Variants in NADK2 observed in about 807,000 individuals in gnomAD.
The protein encoded by NADK2 is NAD kinase 2, mitochondrial, also known as NAD kinase domain-containing protein 1, mitochondrial.
In NADK2, 35 loss-of-function variants were observed where a neutral mutation model predicts 62.1. That is an observed-to-expected ratio of 0.56 (90% CI 0.43 to 0.75). The LOEUF (loss-of-function observed/expected upper bound fraction) is 0.75, where lower values mean the gene tolerates loss of function less well. Among genes scored for constraint, NADK2 ranks in the 30% least tolerant of loss-of-function variants. NADK2 has a pLI of 0.00. For missense variants in NADK2, 439 were observed against 561.3 expected, an observed-to-expected ratio of 0.78 and a Z score of 2.20; for synonymous variants, 205 against 207.9, an observed-to-expected ratio of 0.99 and a Z score of 0.12.
chr5:36,193,240 G>A lies in NADK2; in HGVS notation c.*1904C>T, dbSNP rs1746084522. On this transcript the variant is annotated 3_prime_UTR_variant, in exon 12 of 12. Coordinates refer to ENST00000381937, the MANE Select transcript of NADK2 (RefSeq NM_001085411.3). ...ATGCCTGTAATCCCAATACTGGGAG[G>A]CCGAGGCAGGCAGATCACAAGGTCA... 6.6e-6 allele frequency: 1 copy of A among 152,016 alleles called. No individual in the cohort carries two copies. Among genetic ancestry groups the A allele is most frequent in the African/African-American group, 2.4e-5 (1 of 41,364 alleles). The allele number at this position is 152,016 out of a possible 1,614,324, so 9.4% of individuals were successfully genotyped here.
chr5:36,202,165 G>T (rs1038353878), intron 8 of NADK2, among the ~76,000 whole-genome samples: 1 of 151,960 alleles, frequency 6.6e-6, no homozygotes, highest in Non-Finnish European at 1.5e-5. Context: ...AAAAACATGA[G>T]AATTTTTTTC....
chr5:36,237,914 G>A (rs1180989489), intron 1 of NADK2, among the ~76,000 whole-genome samples: 2 of 152,160 alleles, frequency 1.3e-5, no homozygotes, highest in Non-Finnish European at 2.9e-5. Flanking sequence ...AGGTTCAGGT[G>A]TCTGCATTTT....
chr5:36,239,891 A>T (rs10070760), intron 1 of NADK2, among the ~76,000 whole-genome samples: 222 of 152,314 alleles, frequency 1.5e-3, no homozygotes, highest in African/African-American at 4.9e-3. Flanking sequence ...GAAGTTAACC[A>T]CACAGAACCA....
At chr5:36,231,559 A>G (rs1179582148) in intron 1 of NADK2, among the ~76,000 whole-genome samples, 1 of 152,232 alleles carries the variant, frequency 6.6e-6, no homozygotes, top group Non-Finnish European at 1.5e-5. Flanking sequence ...TAAGAAAATC[A>G]CTTAATAAAC....
In NADK2 at chr5:36,219,644, G is replaced by A. The variant is rs1412911516; in HGVS notation, c.596C>T (p.Thr199Ile). 3 of 1,614,044 alleles carry A rather than the reference G, an allele frequency of 1.9e-6. No homozygotes were observed. The highest frequency in any genetic ancestry group is 8.5e-7 in the Non-Finnish European group (1 of 1,179,948). The change falls in exon 5 of 12, where the codon ACA becomes ATA. Residue 199 changes from threonine to isoleucine, a missense_variant. By Grantham distance (89) the Thr-to-Ile change is moderately conservative. Coordinates refer to ENST00000381937, the MANE Select transcript of NADK2 (RefSeq NM_001085411.3). ...CTGTAAGGCTTCTGGAAAGGAATGT[G>A]TATATCGAACGGGCAGGCATAAATG... ...EGHLCLPVRY[T>I]HSFPEALQKF... is the part of the protein sequence containing the mutation.
intron 1 of NADK2, among the ~76,000 whole-genome samples, chr5:36,234,372 C>CAAAA (rs10551356): frequency 2.6e-4 from 20 of 77,164 alleles, no homozygotes; most frequent in Admixed American, 4.3e-4. Context: ...AACTCCGTCT[C>CAAAA]AAAAAAAAAA....
chr5:36,215,763 CA>C (rs1210120237), intron 6 of NADK2, among the ~76,000 whole-genome samples: 1 of 152,168 alleles, frequency 6.6e-6, no homozygotes, highest in East Asian at 1.9e-4. Context: ...CATGTTGCTG[CA>C]AATCTCAGGA....
intron 8 of NADK2, 25 bp from the exon 9 acceptor site, chr5:36,201,186 T>A (rs755477598): frequency 1.3e-6 from 2 of 1,582,440 alleles, no homozygotes; most frequent in Non-Finnish European, 1.7e-6. Context: ...CACATAATTC[T>A]TAGTTTTAAT....
At chr5:36,201,645 G>A (rs1016489961) in intron 8 of NADK2, among the ~76,000 whole-genome samples, 3 of 151,872 alleles carry the variant, frequency 2.0e-5, no homozygotes, top group Non-Finnish European at 4.4e-5. Context: ...GTATCATATA[G>A]TGTATATGTT....
In NADK2 at chr5:36,222,129, A is replaced by G. The variant is rs999464741; in HGVS notation, c.561-2450T>C. ...AGAAACAGAAAATAAATATATAGGG[A>G]TAAGTGCTTTCTGTAGAGGGAATTA... On this transcript the variant is annotated intron_variant, in intron 4 of 11. Transcript: ENST00000381937. Among the ~76,000 whole-genome samples, 10 of 152,334 alleles carry G rather than the reference A, an allele frequency of 6.6e-5. 1 individual carries two copies. The highest frequency in any genetic ancestry group is 5.2e-4 in the Admixed American group (8 of 15,300).
intron 2 of NADK2, 23 bp downstream of exon 2, chr5:36,227,454 A>G: frequency 3.9e-6 from 5 of 1,283,250 alleles, no homozygotes; most frequent in Non-Finnish European, 5.1e-6. Context: ...AATCCAACCC[A>G]AGACCCAATC....
chr5:36,220,684 A>C (rs1201207427), intron 4 of NADK2, among the ~76,000 whole-genome samples: 1 of 152,220 alleles, frequency 6.6e-6, no homozygotes, highest in African/African-American at 2.4e-5. Context: ...ATTTGATAGA[A>C]TAATACCTGC....
At chr5:36,199,105 GAC>G (rs1474858140) in intron 10 of NADK2, among the ~76,000 whole-genome samples, 5 of 151,884 alleles carry the variant, frequency 3.3e-5, no homozygotes, top group Non-Finnish European at 7.4e-5. Flanking sequence ...AATGCTAAAT[GAC>G]GAGTTAATGG....
chr5:36,201,281 A>G (rs762848330), intron 8 of NADK2, 120 bp from the exon 9 acceptor site: 1 of 838,032 alleles, frequency 1.2e-6, no homozygotes, highest in Non-Finnish European at 1.9e-6. Context: ...TTCTAAATGA[A>G]CAAAGTTAAA....
intron 7 of NADK2, chr5:36,208,697 T>C: frequency 6.6e-7 from 1 of 1,519,054 alleles, no homozygotes; most frequent in Non-Finnish European, 8.8e-7. Flanking sequence ...CATTCTAGGT[T>C]AGAACAAATA....
intron 6 of NADK2, among the ~76,000 whole-genome samples, chr5:36,212,796 T>C (rs1746898793): frequency 6.6e-6 from 1 of 152,202 alleles, no homozygotes; most frequent in African/African-American, 2.4e-5. Flanking sequence ...ATCCCAATTG[T>C]GGTAGGCAGG....
chr5:36,242,028 G>A (rs999049821), upstream of NADK2: 5 of 235,986 alleles, frequency 2.1e-5, no homozygotes, highest in African/African-American at 1.1e-4. Flanking sequence ...GCGGGAGAAA[G>A]GTGGGCGGGG....
intron 4 of NADK2, among the ~76,000 whole-genome samples, chr5:36,219,902 A>G (rs12186384): frequency 0.43 from 64,831 of 152,074 alleles, 16,287 homozygotes; most frequent in Non-Finnish European, 0.58. Flanking sequence ...ATGCCATAAT[A>G]CATAATAATA....
In NADK2 at chr5:36,227,507, T is replaced by C. The variant is rs115795863; in HGVS notation, c.359A>G (p.Lys120Arg). 3.0e-3 allele frequency: 4,655 copies of C among 1,553,190 alleles called. 126 individuals carry two copies. In the African/African-American group the frequency reaches 0.057, roughly 19 times the overall value. The part of the protein sequence containing the change: ...GLLERHHIHT[K>R]NVEHIIDSLR... The stretch of plus-strand genomic sequence containing the variant: ...ACTATCTATAATATGTTCTACATTT[T>C]TGGTGTGAATATGATGTCGTTCAAG... The change falls in exon 2 of 12, where the codon AAA becomes AGA. Residue 120 changes from lysine (K) to arginine (R), a missense_variant. Lys to Arg is a conservative substitution (Grantham distance 26). Transcript: ENST00000381937.
Sources: allele counts gnomAD v4.1 joint callset (sites outside exome capture counted in the v4.1 genomes callset), GRCh38; gene constraint gnomAD v4.1.1; transcripts MANE v1.5; gene names NCBI Gene and HGNC (gene_info 2026-07-23, HGNC 2026-07-21).